Variants in LRRIQ1 observed in about 807,000 individuals in gnomAD.
LRRIQ1 encodes the protein leucine-rich repeat- and IQ domain-containing protein 1.
Under a neutral mutation model 211.9 loss-of-function variants are expected in LRRIQ1, and 210 were observed. The ratio of observed to expected loss-of-function variants is 0.99; its 90% CI spans 0.89 to 1.11. The LOEUF (loss-of-function observed/expected upper bound fraction) is 1.11, where lower values mean the gene tolerates loss of function less well. LRRIQ1 is among the 50% of genes most tolerant of loss of function. The pLI, the probability that LRRIQ1 is intolerant of heterozygous loss-of-function variation, is 0.00. For missense variants in LRRIQ1, 2,136 were observed against 1,939.5 expected (o/e 1.10, Z -1.90); for synonymous variants, 699 against 650.1 (o/e 1.08, Z -1.14).
At chr12:85,112,724 G>A (rs1374211520) in intron 15 of LRRIQ1, among the ~76,000 whole-genome samples, 1 of 151,936 alleles carries the variant, frequency 6.6e-6, no homozygotes, top group Non-Finnish European at 1.5e-5. Flanking sequence ...TCATTCAGAT[G>A]CGATTTCAGG....
intron 24 of LRRIQ1, among the ~76,000 whole-genome samples, chr12:85,172,271 G>A (rs984457319): frequency 3.3e-5 from 5 of 152,092 alleles, no homozygotes; most frequent in African/African-American, 1.2e-4. Context: ...TGTCTCATAG[G>A]ACACTCTGTA....
chr12:85,192,393 T>A (rs1164015598), intron 24 of LRRIQ1, among the ~76,000 whole-genome samples: 2 of 137,200 alleles, frequency 1.5e-5, no homozygotes, highest in Non-Finnish European at 1.5e-5. Context: ...ATATATATAG[T>A]GTATATATAT....
intron 24 of LRRIQ1, among the ~76,000 whole-genome samples, chr12:85,218,478 T>C (rs973999429): frequency 2.0e-5 from 3 of 152,096 alleles, no homozygotes; most frequent in Non-Finnish European, 4.4e-5. Context: ...TATGTTATTA[T>C]TTACCTTTTA....
chr12:85,128,210 G>A (rs1888519989), intron 18 of LRRIQ1, among the ~76,000 whole-genome samples, 177 bp downstream of exon 18: 1 of 152,156 alleles, frequency 6.6e-6, no homozygotes, highest in East Asian at 1.9e-4. Context: ...GGTTGGCTGT[G>A]GCTCTGCTTG....
At chr12:85,268,926 T>TA (rs201852409), downstream of LRRIQ1, among the ~76,000 whole-genome samples, 3 of 151,964 alleles carry the variant, frequency 2.0e-5, no homozygotes, top group African/African-American at 4.8e-5. Flanking sequence ...TAAAGGGGAT[T>TA]AAAAAAATGT....
At chr12:85,168,682 A>G (rs1283677838) in intron 24 of LRRIQ1, among the ~76,000 whole-genome samples, 1 of 152,070 alleles carries the variant, frequency 6.6e-6, no homozygotes, top group African/African-American at 2.4e-5. Context: ...AGTACCATAT[A>G]TTGGACACTG....
chr12:85,205,108 G>A (rs561416972), intron 24 of LRRIQ1, among the ~76,000 whole-genome samples: 7 of 152,150 alleles, frequency 4.6e-5, no homozygotes, highest in South Asian at 4.2e-4. Flanking sequence ...AGGAGTTTCC[G>A]CTTTTGCTTC....
At chr12:85,230,285 G>A (rs1894868013) in intron 25 of LRRIQ1, among the ~76,000 whole-genome samples, 1 of 152,138 alleles carries the variant, frequency 6.6e-6, no homozygotes, top group Non-Finnish European at 1.5e-5. Context: ...TTTAAACAAG[G>A]GAAAATTATT....
rs746901864 is a variant in LRRIQ1 at position 85,124,332 on chromosome 12, C to T, written c.3820C>T (p.His1274Tyr). ...PEKWMDSVSSHSPLSKSATCE... is the reference protein window; with the variant it reads ...PEKWMDSVSSYSPLSKSATCE... Reference sequence around the variant, plus strand: ...GAAATGGATGGACTCTGTCTCCAGCCACTCCCCATTAAGCAAATCCGCCAC... The same window carrying T: ...GAAATGGATGGACTCTGTCTCCAGCTACTCCCCATTAAGCAAATCCGCCAC... The change falls in exon 17 of 27, where the codon CAC (histidine) becomes TAC (tyrosine). Residue 1274 changes from histidine to tyrosine, a missense_variant. Transcript: ENST00000393217. The T allele has an allele frequency of 2.9e-5, 46 of 1,613,936 alleles. No homozygotes were observed. Among genetic ancestry groups the T allele is most frequent in the Non-Finnish European group, 7.6e-6 (9 of 1,180,030 alleles).
At position 85,102,862 on chromosome 12, in the gene LRRIQ1, A is replaced by T. The variant is rs143596254; in HGVS notation, c.3210-1142A>T. On this transcript the variant is annotated intron_variant, in intron 13 of 26. Coordinates refer to ENST00000393217, the MANE Select transcript of LRRIQ1 (RefSeq NM_001079910.2). ...TGCATACTTATTTATTTTGTAACAG[A>T]GATAGACCTTGAGCCAAAGCATATT... is the stretch of plus-strand genomic sequence containing the variant. Among the ~76,000 whole-genome samples the T allele has an allele frequency of 7.3e-3, 1,101 of 149,846 alleles. 19 individuals carry two copies. Among genetic ancestry groups the T allele is most frequent in the African/African-American group, 0.025 (1,035 of 40,848 alleles).
intron 17 of LRRIQ1, among the ~76,000 whole-genome samples, chr12:85,127,132 G>A (rs1023804501): frequency 6.6e-6 from 1 of 152,168 alleles, no homozygotes; most frequent in African/African-American, 2.4e-5. Flanking sequence ...TGATTAGTAA[G>A]AGTTAAATTA....
chr12:85,151,389 A>C (rs927636001), intron 19 of LRRIQ1, among the ~76,000 whole-genome samples: 14 of 151,614 alleles, frequency 9.2e-5, no homozygotes, highest in Non-Finnish European at 1.5e-4. Context: ...GTGAATGAAA[A>C]ATTGCATTTA....
intron 1 of LRRIQ1, among the ~76,000 whole-genome samples, chr12:85,257,191 T>TAA (rs1359156263): frequency 8.7e-6 from 1 of 115,186 alleles, no homozygotes; most frequent in African/African-American, 3.2e-5. Flanking sequence ...TAATTATATA[T>TAA]TATATAAATA....
intron 15 of LRRIQ1, among the ~76,000 whole-genome samples, chr12:85,108,326 C>T (rs1456865326): frequency 6.6e-6 from 1 of 152,078 alleles, no homozygotes; most frequent in East Asian, 1.9e-4. Context: ...CCAGATGTCT[C>T]ATATAGAGAC....
Position 85,056,742 on chromosome 12 carries a change from C to T in LRRIQ1, c.1949C>T (p.Ala650Val). 1.2e-6 allele frequency: 2 copies of T among 1,605,582 alleles called. No homozygotes were observed. Among genetic ancestry groups the T allele is most frequent in the South Asian group, 1.1e-5 (1 of 88,724 alleles). ...KEIEENPKDNAWNSGIVIFNT... is the reference protein window; with the variant it reads ...KEIEENPKDNVWNSGIVIFNT... ...ATTGAGGAGAACCCAAAAGACAATG[C>T]TTGGAATAGTGGCATTGTGATTTTT... is the stretch of plus-strand genomic sequence containing the variant. Residue 650 changes from alanine (A) to valine (V), a missense_variant, in exon 8 of 27, where the codon GCT becomes GTT. Coordinates refer to ENST00000393217, the MANE Select transcript of LRRIQ1 (RefSeq NM_001079910.2).
chr12:85,117,295 C>G (rs1887649431), intron 15 of LRRIQ1, among the ~76,000 whole-genome samples: 1 of 152,130 alleles, frequency 6.6e-6, no homozygotes, highest in Non-Finnish European at 1.5e-5. Flanking sequence ...AAAAGGGTCT[C>G]ACAGGCATTA....
At chr12:85,223,564 A>G (rs1226523449) in intron 24 of LRRIQ1, among the ~76,000 whole-genome samples, 1 of 152,178 alleles carries the variant, frequency 6.6e-6, no homozygotes, top group Non-Finnish European at 1.5e-5. Context: ...ATCCTCTTAT[A>G]TCTCATGCAG....
intron 15 of LRRIQ1, among the ~76,000 whole-genome samples, chr12:85,109,593 C>G (rs112345845): frequency 2.5e-3 from 379 of 152,208 alleles, no homozygotes; most frequent in Middle Eastern, 0.014. Flanking sequence ...TACAGTGGTT[C>G]TCAAAGGTGT....
At chr12:85,102,959 A>AAATATATATATATATATATATAT (rs1458673370) in intron 13 of LRRIQ1, among the ~76,000 whole-genome samples, 1 of 108,496 alleles carries the variant, frequency 9.2e-6, no homozygotes, top group African/African-American at 4.2e-5. Flanking sequence ...AAAAAAAAAA[A>AAATATATATATATATATATATAT]ATATATATAT....
Sources: gnomAD v4.1 joint callset for allele counts (sites outside exome capture counted in the v4.1 genomes callset) on GRCh38, gnomAD v4.1.1 for gene constraint, MANE v1.5 for transcripts, NCBI Gene and HGNC (gene_info 2026-07-23, HGNC 2026-07-21) for gene names.